Variants in NKAIN3 observed in about 807,000 individuals in gnomAD.
NKAIN3 encodes sodium/potassium transporting ATPase interacting 3.
Under a neutral mutation model 30.2 loss-of-function variants are expected in NKAIN3, and 25 were observed. The observed-to-expected ratio is 0.83, with a 90% CI of 0.60 to 1.16. The LOEUF (loss-of-function observed/expected upper bound fraction) is 1.16, where lower values mean the gene tolerates loss of function less well. Ranked by LOEUF, NKAIN3 falls within the 50% of genes most tolerant of loss-of-function variation. The pLI, the probability that NKAIN3 is intolerant of heterozygous loss-of-function variation, is 0.00. For missense variants in NKAIN3, 225 were observed against 254.1 expected, an observed-to-expected ratio of 0.89 and a Z score of 0.78; for synonymous variants, 91 against 89.6, an observed-to-expected ratio of 1.02 and a Z score of -0.09.
chr8:62,810,446 G>A lies in NKAIN3; in HGVS notation c.471+63317G>A, dbSNP rs61027853. Among the ~76,000 whole-genome samples, 175 of 152,082 alleles carry A rather than the reference G, an allele frequency of 1.2e-3. 3 individuals carry two copies. The East Asian group carries it at 0.02, about 17-fold the overall frequency. On this transcript the variant is annotated intron_variant, in intron 4 of 6. Coordinates refer to ENST00000623646, the MANE Select transcript of NKAIN3 (RefSeq NM_001304533.3). ...TCAGCCTGGACCCTTGATCTGATTC[G>A]CTTTAAGGACAACCACAAGTCACTT...
chr8:62,949,318 T>C (rs1823213901), intron 5 of NKAIN3, among the ~76,000 whole-genome samples: 1 of 152,184 alleles, frequency 6.6e-6, no homozygotes, highest in Non-Finnish European at 1.5e-5. Context: ...TTCATTTGTG[T>C]GTCCCATAAA....
intron 4 of NKAIN3, among the ~76,000 whole-genome samples, chr8:62,892,750 C>G (rs4466391): frequency 0.77 from 117,448 of 152,108 alleles, 46,171 homozygotes; most frequent in East Asian, 0.93. Context: ...TGTTTATTCA[C>G]ACAGTCTTCT....
intron 4 of NKAIN3, among the ~76,000 whole-genome samples, chr8:62,801,283 G>C (rs1305980806): frequency 2.0e-5 from 3 of 152,220 alleles, no homozygotes; most frequent in African/African-American, 7.2e-5. Flanking sequence ...CCAGCACGCA[G>C]CTGGAGATCT....
At chr8:62,460,159 T>A (rs1805946070) in intron 1 of NKAIN3, among the ~76,000 whole-genome samples, 1 of 144,326 alleles carries the variant, frequency 6.9e-6, no homozygotes, top group Non-Finnish European at 1.6e-5. Context: ...ATGCCTACAA[T>A]CCCAGCACTT....
intron 5 of NKAIN3, among the ~76,000 whole-genome samples, chr8:62,923,507 T>A (rs1822341531): frequency 6.6e-6 from 1 of 152,198 alleles, no homozygotes; most frequent in Non-Finnish European, 1.5e-5. Context: ...GTGAGGCAAG[T>A]GGAGGTCCTA....
At position 62,967,170 on chromosome 8, in the gene NKAIN3, G is replaced by T. The variant is rs1450620021; in HGVS notation, c.*1763G>T. On this transcript the variant is annotated 3_prime_UTR_variant, in exon 7 of 7. Transcript: ENST00000623646. ...ATCCAAGCCACTATTCTGCAGATGA[G>T]GGGGCTGAAGCCTAAGGGATTTGGT... is the stretch of plus-strand genomic sequence containing the variant. Among the ~76,000 whole-genome samples the T allele has an allele frequency of 6.6e-6, 1 of 152,194 alleles. No individual in the cohort carries two copies. Among genetic ancestry groups the T allele is most frequent in the African/African-American group, 2.4e-5 (1 of 41,460 alleles).
intron 4 of NKAIN3, among the ~76,000 whole-genome samples, chr8:62,763,484 C>T (rs1816739009): frequency 6.6e-6 from 1 of 152,070 alleles, no homozygotes; most frequent in South Asian, 2.1e-4. Context: ...ATGTAAACAG[C>T]TCTTTCATTT....
rs965570387 is a variant in NKAIN3 at position 62,311,540 on chromosome 8, T to A, written c.54+62413T>A. ...CCACCATCATTTCAGTGCCTGAGAC[T>A]GCATGCAACTGGGAGGTCAAGTAGG... is the stretch of plus-strand genomic sequence containing the variant. On this transcript the variant is annotated intron_variant, in intron 1 of 6. Transcript: ENST00000623646. 2.7e-5 allele frequency among the ~76,000 whole-genome samples: 4 copies of A among 150,660 alleles called. 1 individual carries two copies. The highest frequency in any genetic ancestry group is 1.0e-4 in the African/African-American group (4 of 40,000).
chr8:62,470,766 A>G (rs1246508353), intron 1 of NKAIN3, among the ~76,000 whole-genome samples: 2 of 152,140 alleles, frequency 1.3e-5, no homozygotes, highest in Non-Finnish European at 2.9e-5. Flanking sequence ...AAGCAAGCAG[A>G]AAGCCTACTC....
At chr8:62,607,409 C>G (rs1035169543) in intron 3 of NKAIN3, among the ~76,000 whole-genome samples, 1 of 152,112 alleles carries the variant, frequency 6.6e-6, no homozygotes, top group Non-Finnish European at 1.5e-5. Flanking sequence ...TGCACCTTCT[C>G]TTGGGACCAT....
intron 1 of NKAIN3, among the ~76,000 whole-genome samples, chr8:62,545,139 A>G (rs1299350145): frequency 6.6e-6 from 1 of 152,208 alleles, no homozygotes; most frequent in Admixed American, 6.5e-5. Context: ...AGGGTCAGCT[A>G]TACATATTTC....
intron 1 of NKAIN3, among the ~76,000 whole-genome samples, chr8:62,292,328 C>T (rs1585643092): frequency 6.6e-6 from 1 of 152,068 alleles, no homozygotes; most frequent in East Asian, 1.9e-4. Context: ...TTCTTCCTAG[C>T]CTCGATGGTC....
chr8:62,260,940 A>T (rs1204951608), intron 1 of NKAIN3, among the ~76,000 whole-genome samples: 1 of 152,146 alleles, frequency 6.6e-6, no homozygotes, highest in Non-Finnish European at 1.5e-5. Context: ...ATAACAGAGG[A>T]TTATCTATTG....
At chr8:62,472,729 G>A (rs184925534) in intron 1 of NKAIN3, among the ~76,000 whole-genome samples, 15 of 152,238 alleles carry the variant, frequency 9.9e-5, no homozygotes, top group Non-Finnish European at 1.6e-4. Flanking sequence ...AATGAAGAAG[G>A]AACATATTAG....
In NKAIN3 at chr8:62,796,792, A is replaced by ACACACACACACACACACT. The variant is rs1817875756; in HGVS notation, c.471+49680_471+49681insTCACACACACACACACAC. Reference sequence around the variant, plus strand: ...ATACTAGTTTTTGTATCACACATACACACACACACACACACACACACACAA... The same window carrying ACACACACACACACACACT: ...ATACTAGTTTTTGTATCACACATACACACACACACACACACACTCACACACACACACACACACACACAA... On this transcript the variant is annotated intron_variant, in intron 4 of 6. Coordinates refer to ENST00000623646, the MANE Select transcript of NKAIN3 (RefSeq NM_001304533.3). Among the ~76,000 whole-genome samples, 27 of 150,778 alleles carry ACACACACACACACACACT rather than the reference A, an allele frequency of 1.8e-4. No homozygotes were observed. The South Asian group carries it at 5.5e-3, about 31-fold the overall frequency.
At chr8:62,827,967 G>A (rs1819076071) in intron 4 of NKAIN3, among the ~76,000 whole-genome samples, 1 of 152,020 alleles carries the variant, frequency 6.6e-6, no homozygotes, top group South Asian at 2.1e-4. Context: ...GCACATGAAA[G>A]TTCATAGCAG....
intron 1 of NKAIN3, among the ~76,000 whole-genome samples, chr8:62,264,093 A>G (rs1215796452): frequency 6.6e-6 from 1 of 152,182 alleles, no homozygotes; most frequent in African/African-American, 2.4e-5. Context: ...ATAGTGAAGT[A>G]TTTTCGAAAC....
chr8:62,638,169 A>G (rs1206713656), intron 3 of NKAIN3, among the ~76,000 whole-genome samples: 1 of 152,158 alleles, frequency 6.6e-6, no homozygotes, highest in Non-Finnish European at 1.5e-5. Flanking sequence ...GGCTCATGCT[A>G]ATAAGGTTTG....
intron 3 of NKAIN3, among the ~76,000 whole-genome samples, chr8:62,639,496 G>A (rs554716806): frequency 5.3e-5 from 8 of 152,296 alleles, no homozygotes; most frequent in Non-Finnish European, 1.2e-4. Flanking sequence ...GAGTTGTACA[G>A]AAAAGAGCTG....
Sources: gnomAD v4.1 joint callset for allele counts (sites outside exome capture counted in the v4.1 genomes callset) on GRCh38, gnomAD v4.1.1 for gene constraint, MANE v1.5 for transcripts, NCBI Gene and HGNC (gene_info 2026-07-23, HGNC 2026-07-21) for gene names.